The following FNDC3B variants were observed in gnomAD, a reference collection of about 807,000 sequenced individuals.
The protein encoded by FNDC3B is fibronectin type III domain-containing protein 3B.
A neutral mutation model predicts 151.5 loss-of-function variants in FNDC3B; 12 were observed. The ratio of observed to expected loss-of-function variants is 0.08; its 90% CI spans 0.05 to 0.13. FNDC3B has a LOEUF of 0.13. Ranked by LOEUF, FNDC3B falls within the 10% of genes least tolerant of loss-of-function variation. The pLI is 1.00. For synonymous variants in FNDC3B, 528 were observed against 549.0 expected, an observed-to-expected ratio of 0.96 and a Z score of 0.54; for missense variants, 1,214 against 1,505.3, an observed-to-expected ratio of 0.81 and a Z score of 3.20.
At chr3:172,144,150 G>T (rs1448936455) in intron 3 of FNDC3B, among the ~76,000 whole-genome samples, 1 of 152,090 alleles carries the variant, frequency 6.6e-6, no homozygotes, top group Middle Eastern at 3.2e-3. Flanking sequence ...GGGAGCCAGC[G>T]TGTCACATGG....
At chr3:172,328,643 C>T (rs1430527214) in intron 11 of FNDC3B, among the ~76,000 whole-genome samples, 2 of 152,200 alleles carry the variant, frequency 1.3e-5, no homozygotes, top group African/African-American at 4.8e-5. Flanking sequence ...TGATCGTTAA[C>T]TGGAGCATCG....
intron 1 of FNDC3B, among the ~76,000 whole-genome samples, chr3:172,093,427 T>A (rs868034179): frequency 7.9e-5 from 12 of 151,992 alleles, no homozygotes; most frequent in African/African-American, 2.9e-4. Context: ...CCCGGCTAAT[T>A]TTTTGTATTT....
intron 1 of FNDC3B, among the ~76,000 whole-genome samples, chr3:172,055,681 C>T (rs1716879587): frequency 1.3e-5 from 2 of 152,052 alleles, no homozygotes; most frequent in East Asian, 1.9e-4. Context: ...TCCTTGCTTT[C>T]GTGAGGAGCA....
At chr3:172,367,096 C>A (rs568246725) in intron 23 of FNDC3B, among the ~76,000 whole-genome samples, 43 of 152,238 alleles carry the variant, frequency 2.8e-4, no homozygotes, top group African/African-American at 8.4e-4. Context: ...AAGGATTCTA[C>A]CCCCCTGGGA....
At chr3:172,150,737 A>C (rs1722176241) in intron 3 of FNDC3B, among the ~76,000 whole-genome samples, 1 of 152,114 alleles carries the variant, frequency 6.6e-6, no homozygotes, top group African/African-American at 2.4e-5. Flanking sequence ...TATTTAAAAA[A>C]AGTTTGTGGG....
chr3:172,080,109 A>G (rs1718204325), intron 1 of FNDC3B, among the ~76,000 whole-genome samples: 1 of 152,244 alleles, frequency 6.6e-6, no homozygotes, highest in Admixed American at 6.5e-5. Flanking sequence ...AATTATAAAA[A>G]AAAAGGGGTA....
chr3:172,150,646 G>A (rs1722172301), intron 3 of FNDC3B, among the ~76,000 whole-genome samples: 1 of 151,744 alleles, frequency 6.6e-6, no homozygotes, highest in South Asian at 2.1e-4. Context: ...TAACACCACC[G>A]ATTAAGTTGA....
chr3:172,225,500 C>A, intron 3 of FNDC3B: 1 of 221,040 alleles, frequency 4.5e-6, no homozygotes. Flanking sequence ...TTGTTTGTGG[C>A]TGGCCATAAA....
At chr3:172,178,143 CT>C (rs1723704978) in intron 3 of FNDC3B, among the ~76,000 whole-genome samples, 1 of 152,110 alleles carries the variant, frequency 6.6e-6, no homozygotes, top group Non-Finnish European at 1.5e-5. Flanking sequence ...GAACACTGGC[CT>C]GTCTGGGTCT....
In FNDC3B at chr3:172,210,615, C is replaced by T. The variant is rs138632674; in HGVS notation, c.188-16256C>T. Among the ~76,000 whole-genome samples the T allele has an allele frequency of 7.2e-4, 110 of 152,184 alleles. 1 individual carries two copies. Among genetic ancestry groups the T allele is most frequent in the African/African-American group, 2.6e-3 (106 of 41,508 alleles). On this transcript the variant is annotated intron_variant, in intron 3 of 25. Transcript: ENST00000415807. Reference sequence around the variant, plus strand: ...AAGTAATCCTCCCTCCTCAGACTCCCGAGTGTCTGAGATTATAGGTGTGAG... The same window carrying T: ...AAGTAATCCTCCCTCCTCAGACTCCTGAGTGTCTGAGATTATAGGTGTGAG...
intron 3 of FNDC3B, among the ~76,000 whole-genome samples, chr3:172,147,701 T>C (rs974277795): frequency 2.6e-5 from 4 of 152,034 alleles, no homozygotes; most frequent in African/African-American, 9.7e-5. Context: ...GGCCAGAAAA[T>C]TTGTATTTCT....
At chr3:172,241,207 T>C (rs1305691284) in intron 4 of FNDC3B, among the ~76,000 whole-genome samples, 1 of 152,214 alleles carries the variant, frequency 6.6e-6, no homozygotes, top group South Asian at 2.1e-4. Context: ...AAGAAAGTGC[T>C]GGATTGAGCC....
intron 3 of FNDC3B, among the ~76,000 whole-genome samples, chr3:172,196,386 T>G (rs1724833600): frequency 6.6e-6 from 1 of 151,842 alleles, no homozygotes. Context: ...GGGGTCTTGC[T>G]CTGTTGCCTA....
chr3:172,131,120 G>C (rs932949254), intron 2 of FNDC3B, among the ~76,000 whole-genome samples: 1 of 152,122 alleles, frequency 6.6e-6, no homozygotes, highest in Non-Finnish European at 1.5e-5. Flanking sequence ...TATTTGGCCC[G>C]GCGCAGTGGC....
intron 2 of FNDC3B, among the ~76,000 whole-genome samples, chr3:172,124,119 C>G (rs1271181124): frequency 6.6e-6 from 1 of 152,112 alleles, no homozygotes; most frequent in East Asian, 1.9e-4. Context: ...TAGATGAAGT[C>G]TTGCTCTGTC....
intron 1 of FNDC3B, among the ~76,000 whole-genome samples, chr3:172,043,429 C>CTCCA (rs1716192029): frequency 6.6e-6 from 1 of 152,154 alleles, no homozygotes; most frequent in Admixed American, 6.5e-5. Flanking sequence ...TCACTGTAGC[C>CTCCA]TCCACCTCCC....
chr3:172,401,207 C>T lies in FNDC3B; in HGVS notation c.*3732C>T, dbSNP rs55765148. On this transcript the variant is annotated 3_prime_UTR_variant, in exon 26 of 26. Transcript: ENST00000415807. ...TGCTGGGATTACAGGTGTGAGCCCC[C>T]GCACCCAGCCTTATTCTTCCCTTTT... 29,431 of 152,162 alleles carry T rather than the reference C, an allele frequency of 0.19. 3,010 individuals carry two copies. The highest frequency in any genetic ancestry group is 0.25 in the Middle Eastern group (73 of 294). The allele number at this position is 152,162 out of a possible 1,614,324, so 9.4% of individuals were successfully genotyped here. A position where few individuals can be genotyped will look rare whatever the true frequency, so the allele number is the denominator to read the frequency against.
intron 3 of FNDC3B, among the ~76,000 whole-genome samples, chr3:172,176,096 A>G (rs1340833753): frequency 6.6e-6 from 1 of 152,234 alleles, no homozygotes; most frequent in Non-Finnish European, 1.5e-5. Context: ...AAGCCAGGTA[A>G]TGGGTTGAAA....
At chr3:172,305,061 T>C (rs1316918030) in intron 9 of FNDC3B, among the ~76,000 whole-genome samples, 1 of 152,176 alleles carries the variant, frequency 6.6e-6, no homozygotes, top group Admixed American at 6.5e-5. Flanking sequence ...TAGATAGTAG[T>C]TTAGATAGTA....
Sources: allele counts gnomAD v4.1 joint callset (sites outside exome capture counted in the v4.1 genomes callset), GRCh38; gene constraint gnomAD v4.1.1; transcripts MANE v1.5; gene names NCBI Gene and HGNC (gene_info 2026-07-23, HGNC 2026-07-21).